The following ITFG2 variants were observed in gnomAD, a reference collection of about 807,000 sequenced individuals.
The protein encoded by ITFG2 is KICSTOR complex protein ITFG2.
Under a neutral mutation model 54.4 loss-of-function variants are expected in ITFG2, and 36 were observed. The observed-to-expected ratio is 0.66, with a 90% CI of 0.51 to 0.87. ITFG2 has a LOEUF of 0.87. Among genes scored for constraint, ITFG2 ranks in the 40% least tolerant of loss-of-function variants. ITFG2 has a pLI of 0.00. For synonymous variants in ITFG2, 211 were observed against 225.4 expected, an observed-to-expected ratio of 0.94 and a Z score of 0.57; for missense variants, 524 against 576.7, an observed-to-expected ratio of 0.91 and a Z score of 0.94.
chr12:2,822,963 G>A (rs774208139), intron 10 of ITFG2, 52 bp downstream of exon 10: 43 of 1,365,152 alleles, frequency 3.1e-5, no homozygotes, highest in South Asian at 7.0e-5. Flanking sequence ...TTAGATAGGC[G>A]TGTTAGGCAT....
At chr12:2,829,024 ACT>A (rs1285761101), downstream of ITFG2, among the ~76,000 whole-genome samples, 1 of 151,640 alleles carries the variant, frequency 6.6e-6, no homozygotes, top group Admixed American at 6.6e-5. Context: ...ACATAGCAAG[ACT>A]CTGTCTCTAC....
chr12:2,817,827 T>C (rs903974044), intron 2 of ITFG2, 82 bp from the exon 3 acceptor site: 52 of 1,374,234 alleles, frequency 3.8e-5, no homozygotes, highest in Non-Finnish European at 5.1e-5. Context: ...TTAGAAAACC[T>C]GCCCGCTCCT....
At chr12:2,852,052 T>G (rs2153928912) in intron 2 of ITFG2, among the ~76,000 whole-genome samples, 1 of 151,520 alleles carries the variant, frequency 6.6e-6, no homozygotes, top group East Asian at 1.9e-4. Flanking sequence ...AGGCAGGAGT[T>G]TTTTTTTTAG....
intron 3 of ITFG2, chr12:2,858,795 A>G (rs753352536): frequency 6.2e-7 from 1 of 1,614,108 alleles, no homozygotes; most frequent in African/African-American, 1.3e-5. Flanking sequence ...ATTGGCTGCA[A>G]GGCCAGAAAC....
At chr12:2,850,978 C>CTTTTT (rs35125854) in intron 2 of ITFG2, among the ~76,000 whole-genome samples, 16 of 81,666 alleles carry the variant, frequency 2.0e-4, no homozygotes, top group East Asian at 4.7e-4. Context: ...GGCCCAGAGT[C>CTTTTT]TTTTTTTTTT....
downstream of ITFG2, chr12:2,826,188 G>T (rs550921128): frequency 1.3e-5 from 2 of 148,606 alleles, no homozygotes; most frequent in South Asian, 4.4e-4. Context: ...TCTGTCTCCT[G>T]ACAGACCCCA....
intron 2 of ITFG2, among the ~76,000 whole-genome samples, chr12:2,856,429 A>C (rs565338296): frequency 2.6e-5 from 4 of 152,134 alleles, no homozygotes; most frequent in African/African-American, 9.7e-5. Flanking sequence ...GCAATGGTGC[A>C]ATCTCGGCTC....
intron 1 of ITFG2, among the ~76,000 whole-genome samples, chr12:2,815,298 G>T (rs895509289): frequency 3.3e-5 from 5 of 152,212 alleles, no homozygotes; most frequent in African/African-American, 1.2e-4. Context: ...CCCCCAAGAG[G>T]AGATCATAAA....
intron 2 of ITFG2, among the ~76,000 whole-genome samples, chr12:2,856,341 G>A (rs1175921787): frequency 6.6e-6 from 1 of 152,110 alleles, no homozygotes; most frequent in Non-Finnish European, 1.5e-5. Context: ...CTTTTAAAAT[G>A]CTTCGCCCTC....
downstream of ITFG2, among the ~76,000 whole-genome samples, chr12:2,828,756 C>T (rs558536129): frequency 9.9e-5 from 15 of 152,220 alleles, no homozygotes; most frequent in African/African-American, 1.4e-4. Flanking sequence ...GCAGGAGAAT[C>T]GCTTGAACCC....
chr12:2,819,850 T>A, intron 4 of ITFG2: 1 of 376,500 alleles, frequency 2.7e-6, no homozygotes, highest in Non-Finnish European at 4.7e-6. Flanking sequence ...CACTTTGAGT[T>A]GCATGTTTGA....
chr12:2,827,208 C>A (rs866628139), downstream of ITFG2: 1 of 1,614,142 alleles, frequency 6.2e-7, no homozygotes, highest in Admixed American at 1.7e-5. This position sits in a 1 kb window ranked among gnomAD's most constrained non-coding sequence, Gnocchi z 4.0. Flanking sequence ...AGACAGCAGT[C>A]ACTGGCCAGG....
rs891547024 is a variant in ITFG2 at position 2,844,329 on chromosome 12, G to A, written n.300+3334G>A. Among the ~76,000 whole-genome samples, 8 of 152,066 alleles carry A rather than the reference G, an allele frequency of 5.3e-5. No homozygotes were observed. The East Asian group carries it at 7.7e-4, about 15-fold the overall frequency. ...AGCACTTTGGGAGGCTGAGGTGGGC[G>A]GATCACATGAGGTCAGGAGTTCGAC... On this transcript the variant is annotated intron_variant and non_coding_transcript_variant, in intron 2 of 3. Transcript: ENST00000537710.
At chr12:2,834,096 A>C (rs1378246694), upstream of ITFG2, among the ~76,000 whole-genome samples, 1 of 152,202 alleles carries the variant, frequency 6.6e-6, no homozygotes, top group African/African-American at 2.4e-5. Context: ...TGGAAGGTCC[A>C]TTCCACTCAG....
intron 1 of ITFG2, among the ~76,000 whole-genome samples, chr12:2,838,748 G>A (rs2098034250): frequency 6.6e-6 from 1 of 152,144 alleles, no homozygotes; most frequent in Non-Finnish European, 1.5e-5. Context: ...GCCTTTTTGT[G>A]TTTCTTGGTT....
chr12:2,849,174 T>A, intron 2 of ITFG2: 1 of 1,472,254 alleles, frequency 6.8e-7, no homozygotes, highest in Non-Finnish European at 9.0e-7. Context: ...GAGCATTGAT[T>A]GAGAACACTG....
In ITFG2 at chr12:2,837,330, T is replaced by C. The variant is rs1011916085; in HGVS notation, n.146+374T>C. ...GTCTCTACTAAAAATACAAAAAAAT[T>C]AGCCGGGCGCGGTGGCAGGCGCCTG... On this transcript the variant is annotated intron_variant and non_coding_transcript_variant, in intron 1 of 3. Coordinates refer to the ITFG2 transcript ENST00000537710. Among the ~76,000 whole-genome samples the C allele has an allele frequency of 2.0e-5, 3 of 151,894 alleles. No homozygotes were observed. The East Asian group carries it at 5.8e-4, about 29-fold the overall frequency.
rs1183547806 is a variant in ITFG2, at chr12:2,822,844, T to C, written c.999T>C (p.Tyr333=). 2.5e-6 allele frequency: 4 copies of C among 1,614,054 alleles called. No individual in the cohort carries two copies. The highest frequency in any genetic ancestry group is 1.3e-5 in the African/African-American group (1 of 74,898). The change falls in exon 10 of 12, where the codon TAT becomes TAC. Residue 333 remains tyrosine (Y), a synonymous_variant. Coordinates refer to ENST00000228799, the MANE Select transcript of ITFG2 (RefSeq NM_018463.4). Reference sequence around the variant, plus strand: ...CATGCGCCTGGGATGGACAGACATATATCATTGATCACAACCGCACCGTCG... The same window carrying C: ...CATGCGCCTGGGATGGACAGACATACATCATTGATCACAACCGCACCGTCG... The part of the protein sequence containing the change: ...VVACAWDGQT[Y]IIDHNRTVVR...
chr12:2,818,511 A>G (rs2097929604), intron 4 of ITFG2: 7 of 699,028 alleles, frequency 1.0e-5, no homozygotes, highest in Non-Finnish European at 1.4e-5. Flanking sequence ...AAAAGAAACA[A>G]TATAGGCTAG....
Sources: gnomAD v4.1 joint callset for allele counts (sites outside exome capture counted in the v4.1 genomes callset) on GRCh38, gnomAD v4.1.1 for gene constraint, Gnocchi (gnomAD v3.1) non-coding constraint, MANE v1.5 for transcripts, NCBI Gene and HGNC (gene_info 2026-07-23, HGNC 2026-07-21) for gene names.